The following CYP17A1 variants were observed in gnomAD, a reference collection of about 807,000 sequenced individuals.
CYP17A1 encodes the protein cytochrome P450 family 17 subfamily A member 1, also known as steroid 17-alpha-hydroxylase/17,20 lyase.
CYP17A1 carries 27 observed loss-of-function variants against 38.5 expected under a neutral mutation model. The observed-to-expected ratio is 0.70, with a 90% CI of 0.52 to 0.97. The LOEUF is 0.97. Ranked by LOEUF, CYP17A1 falls within the 50% of genes least tolerant of loss-of-function variation. CYP17A1 has a pLI of 0.00. For missense variants in CYP17A1, 549 were observed against 645.9 expected (o/e 0.85, Z 1.63); for synonymous variants, 263 against 253.3 (o/e 1.04, Z -0.36).
intron 4 of CYP17A1, 57 bp downstream of exon 4, chr10:102,833,979 C>A: frequency 1.2e-6 from 1 of 843,872 alleles, no homozygotes. Context: ...TGGACTCCAC[C>A]CTGCTCTTGT....
rs375350911 is a variant in CYP17A1, at chr10:102,834,797, G to A, written c.654C>T (p.Val218=). 16 of 1,614,010 alleles carry A rather than the reference G, an allele frequency of 9.9e-6. No individual in the cohort carries two copies. In the Admixed American group the frequency reaches 2.2e-4, roughly 22 times the overall value. Residue 218 remains valine (V), a synonymous_variant, in exon 3 of 8, where the codon GTC becomes GTT. Transcript: ENST00000369887. The part of the protein sequence containing the change: ...NLSKDSLVDL[V]PWLKIFPNKT... ...GGCAGCATCTCACCTTCAACCAGGG[G>A]ACTAGGTCCACCAGGCTGTCTTTGC...
At chr10:102,835,921 G>C (rs184386851) in intron 1 of CYP17A1, among the ~76,000 whole-genome samples, 83 of 152,320 alleles carry the variant, frequency 5.4e-4, no homozygotes, top group Admixed American at 2.9e-3. Context: ...CATTTGGAGA[G>C]TGCAGATGTT....
chr10:102,835,728 T>C (rs1312979468), intron 1 of CYP17A1: 5 of 389,040 alleles, frequency 1.3e-5, no homozygotes, highest in Non-Finnish European at 2.5e-5. Flanking sequence ...GGAAGGCAAC[T>C]CTGGATGGGA....
At position 102,835,026 on chromosome 10, in the gene CYP17A1, G is replaced by C. The variant is rs776190569; in HGVS notation, c.437-12C>G. The stretch of plus-strand genomic sequence containing the variant: ...GATTTCCTGACAAACTGAAGGGAGA[G>C]GGGGCATGAGGGTGGGAAATGAATC... On this transcript the variant is annotated splice_polypyrimidine_tract_variant and intron_variant, in intron 2 of 7. Transcript: ENST00000369887. 12 of 1,492,990 alleles carry C rather than the reference G, an allele frequency of 8.0e-6. No individual in the cohort carries two copies. The highest frequency in any genetic ancestry group is 1.0e-5 in the Non-Finnish European group (11 of 1,077,824). 92.5% of individuals were successfully genotyped at this position (1,492,990 alleles called of 1,614,324 possible). A position where few individuals can be genotyped will look rare whatever the true frequency, so the allele number is the denominator to read the frequency against.
intron 3 of CYP17A1, chr10:102,834,438 C>T (rs1844132673): frequency 5.4e-6 from 3 of 551,814 alleles, no homozygotes; most frequent in African/African-American, 1.9e-5. Context: ...CAGACAAGCT[C>T]CTTAACCCCG....
chr10:102,831,124 C>A, intron 7 of CYP17A1, 139 bp from the exon 8 acceptor site: 1 of 733,684 alleles, frequency 1.4e-6, no homozygotes, highest in South Asian at 1.5e-5. Context: ...GGGGAACCCC[C>A]GCCTGGGGAG....
At chr10:102,835,597 C>T (rs1844152714) in intron 1 of CYP17A1, 3 of 622,238 alleles carry the variant, frequency 4.8e-6, no homozygotes, top group African/African-American at 3.7e-5. Flanking sequence ...CCAATTCCTT[C>T]AGAAATACAG....
At position 102,837,220 on chromosome 10, in the gene CYP17A1, G is replaced by A; in HGVS notation, c.142C>T (p.His48Tyr). ...GSLPFLPRHG[H>Y]MHNNFFKLQK... ...AGCTTGAAGAAGTTGTTATGCATAT[G>A]GCCGTGTCTGGGGAGGAATGGCAGG... The change falls in exon 1 of 8, where the codon CAT (histidine) becomes TAT (tyrosine). Residue 48 changes from histidine (H) to tyrosine (Y), a missense_variant. His to Tyr is a moderately conservative substitution (Grantham distance 83). Transcript: ENST00000369887. 6.2e-7 allele frequency: 1 copy of A among 1,609,430 alleles called. No homozygotes were observed. The highest frequency in any genetic ancestry group is 1.1e-5 in the South Asian group (1 of 90,990).
chr10:102,833,690 A>G (rs539801346), intron 4 of CYP17A1: 116 of 292,756 alleles, frequency 4.0e-4, no homozygotes, highest in African/African-American at 2.0e-3. Context: ...TCCCAACCTC[A>G]GGTGATCTGC....
In CYP17A1 at chr10:102,830,986, C is replaced by A; in HGVS notation, c.1244-1G>T. 1.3e-6 allele frequency: 2 copies of A among 1,568,016 alleles called. No homozygotes were observed. Among genetic ancestry groups the A allele is most frequent in the East Asian group, 2.3e-5 (1 of 42,880 alleles). ...GTCCCCGCTGGATTCAAGAAACGCT[C>A]TGCAGGCAAGGAGTGGCATCAGCCA... On this transcript the variant is annotated splice_acceptor_variant, in intron 7 of 7. Coordinates refer to ENST00000369887, the MANE Select transcript of CYP17A1 (RefSeq NM_000102.4). LOFTEE classifies it high-confidence loss of function. The surrounding 1 kb of genome is among the most constrained non-coding windows in gnomAD (Gnocchi z 4.1).
At chr10:102,833,374 C>T in intron 4 of CYP17A1, 166 bp from the exon 5 acceptor site, 3 of 1,394,698 alleles carry the variant, frequency 2.2e-6, no homozygotes, top group Non-Finnish European at 2.9e-6. Flanking sequence ...CAGCCCCGGG[C>T]CCTCTTTAAA....
chr10:102,833,287 C>CT (rs1201185041), intron 4 of CYP17A1, 79 bp from the exon 5 acceptor site: 2 of 1,608,944 alleles, frequency 1.2e-6, no homozygotes, highest in Non-Finnish European at 1.7e-6. Flanking sequence ...CTGTCCCTGA[C>CT]TAGAGATAAC....
chr10:102,831,797 C>A lies in CYP17A1; in HGVS notation c.1140-186G>T, dbSNP rs934373489. Reference sequence around the variant, plus strand: ...TCCAGCCCTTCTCCATCCCTTCCCTCCTAACAGGCGCTTCTGTCTGAACAC... The same window carrying A: ...TCCAGCCCTTCTCCATCCCTTCCCTACTAACAGGCGCTTCTGTCTGAACAC... On this transcript the variant is annotated intron_variant, in intron 6 of 7. Transcript: ENST00000369887. 2.8e-6 allele frequency: 3 copies of A among 1,076,430 alleles called. No homozygotes were observed. In the South Asian group the frequency reaches 4.3e-5, roughly 16 times the overall value. The allele number at this position is 1,076,430 out of a possible 1,614,324, so 66.7% of individuals were successfully genotyped here.
At position 102,837,072 on chromosome 10, in the gene CYP17A1, G is replaced by A; in HGVS notation, c.290C>T (p.Pro97Leu). 4.4e-6 allele frequency: 7 copies of A among 1,595,176 alleles called. No homozygotes were observed. The highest frequency in any genetic ancestry group is 6.0e-6 in the Non-Finnish European group (7 of 1,163,314). The part of the protein sequence containing the change: ...IKKGKDFSGR[P>L]QMATLDIASN... ...GAGATGGGCACCACTTACCATTTGA[G>A]GCCGCCCAGAGAAGTCCTTGCCCTT... The change falls in exon 1 of 8, where the codon CCT becomes CTT. Residue 97 changes from proline (P) to leucine (L), a missense_variant. Transcript: ENST00000369887.
At chr10:102,834,628 T>C in intron 3 of CYP17A1, 157 bp downstream of exon 3, 1 of 960,874 alleles carries the variant, frequency 1.0e-6, no homozygotes, top group Non-Finnish European at 1.6e-6. Flanking sequence ...TGCAGAGAAA[T>C]GGCAAAGGTT....
chr10:102,837,187 T>C lies in CYP17A1; in HGVS notation c.175A>G (p.Lys59Glu). 1 of 1,605,046 alleles carries C rather than the reference T, an allele frequency of 6.2e-7. No individual in the cohort carries two copies. Among genetic ancestry groups the C allele is most frequent in the South Asian group, 1.1e-5 (1 of 90,914 alleles). Residue 59 changes from lysine to glutamate, a missense_variant, in exon 1 of 8, where the codon AAA becomes GAA. By Grantham distance (56) the Lys-to-Glu change is moderately conservative. Transcript: ENST00000369887. Reference protein sequence around the residue: ...MHNNFFKLQKKYGPIYSVRMG... With the variant: ...MHNNFFKLQKEYGPIYSVRMG... ...CGAACCGAATAGATGGGGCCATATT[T>C]TTTCTGCAGCTTGAAGAAGTTGTTA... is the stretch of plus-strand genomic sequence containing the variant.
intron 3 of CYP17A1, 51 bp from the exon 4 acceptor site, chr10:102,834,173 C>A: frequency 1.2e-6 from 1 of 850,582 alleles, no homozygotes; most frequent in South Asian, 1.4e-5. Context: ...TTTTGCTTCT[C>A]CAGCTGCCAG....
At chr10:102,834,329 G>A (rs993053937) in intron 3 of CYP17A1, 3 of 595,484 alleles carry the variant, frequency 5.0e-6, no homozygotes, top group Non-Finnish European at 9.3e-6. Flanking sequence ...GGAGGAGGGC[G>A]TGGTCTCCAC....
intron 1 of CYP17A1, 109 bp from the exon 2 acceptor site, chr10:102,835,501 A>T (rs989126543): frequency 6.4e-6 from 6 of 933,272 alleles, no homozygotes; most frequent in Non-Finnish European, 1.1e-5. Context: ...GGTACCTGGC[A>T]TGCTGACTCC....
Sources: allele counts gnomAD v4.1 joint callset (sites outside exome capture counted in the v4.1 genomes callset), GRCh38; gene constraint gnomAD v4.1.1; non-coding constraint Gnocchi (gnomAD v3.1); transcripts MANE v1.5; gene names NCBI Gene and HGNC (gene_info 2026-07-23, HGNC 2026-07-21).